The following ZFYVE9 variants were observed in gnomAD, a reference collection of about 807,000 sequenced individuals.
ZFYVE9 encodes zinc finger FYVE-type containing 9.
Under a neutral mutation model 126.7 loss-of-function variants are expected in ZFYVE9, and 43 were observed. The observed-to-expected ratio is 0.34, with a 90% CI of 0.27 to 0.44. ZFYVE9 has a LOEUF of 0.44. ZFYVE9 is among the 20% of genes least tolerant of loss of function. The pLI, the probability that ZFYVE9 is intolerant of heterozygous loss-of-function variation, is 1.00. For synonymous variants in ZFYVE9, 521 were observed against 597.4 expected (o/e 0.87, Z 1.87); for missense variants, 1,476 against 1,697.0 (o/e 0.87, Z 2.29).
Position 52,293,470 on chromosome 1 carries a change from T to C in ZFYVE9, c.3043T>C (p.Leu1015=). 1 of 1,613,820 alleles carries C rather than the reference T, an allele frequency of 6.2e-7. No individual in the cohort carries two copies. Among genetic ancestry groups the C allele is most frequent in the Non-Finnish European group, 8.5e-7 (1 of 1,179,900 alleles). ...DALAGNVVSN[L]GHSFFSQSFL... ...GTTTTTAGGGAATGTGGTGAGCAACTTGGGACATTCCTTCTTCAGTCAAAG... is the reference window on the plus strand; with the variant it reads ...GTTTTTAGGGAATGTGGTGAGCAACCTGGGACATTCCTTCTTCAGTCAAAG... Residue 1015 remains leucine (L), a synonymous_variant, in exon 11 of 19, where the codon TTG becomes CTG. Transcript: ENST00000287727.
intron 5 of ZFYVE9, among the ~76,000 whole-genome samples, chr1:52,266,409 A>T (rs924593666): frequency 2.0e-4 from 25 of 122,922 alleles, no homozygotes; most frequent in African/African-American, 3.5e-4. Flanking sequence ...ATTCTTTAAA[A>T]AAAAAAAAAA....
Position 52,193,518 on chromosome 1 carries a change from C to T in ZFYVE9, c.-142-22851C>T, listed in dbSNP as rs1644833894. On this transcript the variant is annotated intron_variant, in intron 1 of 18. Coordinates refer to ENST00000287727, the MANE Select transcript of ZFYVE9 (RefSeq NM_004799.4). The stretch of plus-strand genomic sequence containing the variant: ...GGTCAGGAGATCGAGACCAGCCTGG[C>T]CAACATGGTGAAACCCCGTCTCTAC... 3.3e-5 allele frequency among the ~76,000 whole-genome samples: 5 copies of T among 151,268 alleles called. No individual in the cohort carries two copies. The South Asian group carries it at 1.0e-3, about 32-fold the overall frequency.
At chr1:52,218,919 G>C (rs989417717) in intron 2 of ZFYVE9, among the ~76,000 whole-genome samples, 3 of 152,126 alleles carry the variant, frequency 2.0e-5, no homozygotes, top group Admixed American at 2.0e-4. Context: ...AGTGGGGATA[G>C]GGTCAGTGGA....
chr1:52,255,977 TTTCTTTCCTTCCTTCC>T (rs1645512498), intron 4 of ZFYVE9, among the ~76,000 whole-genome samples: 9 of 135,372 alleles, frequency 6.6e-5, no homozygotes, highest in Middle Eastern at 3.5e-3. Flanking sequence ...TCTTTCTTTC[TTTCTTTCCTTCCTTCC>T]TTCCTTCCTT....
chr1:52,265,979 G>A (rs906672632), intron 5 of ZFYVE9, among the ~76,000 whole-genome samples: 3 of 152,116 alleles, frequency 2.0e-5, no homozygotes, highest in African/African-American at 7.2e-5. Flanking sequence ...AATTCTTAAA[G>A]TTTGATGTTG....
At chr1:52,204,161 G>A (rs1345371344) in intron 1 of ZFYVE9, among the ~76,000 whole-genome samples, 1 of 151,720 alleles carries the variant, frequency 6.6e-6, no homozygotes, top group African/African-American at 2.4e-5. Flanking sequence ...AGGAACTGCT[G>A]AAAATAGGCC....
At chr1:52,257,901 T>A (rs1645538135) in intron 4 of ZFYVE9, among the ~76,000 whole-genome samples, 1 of 152,172 alleles carries the variant, frequency 6.6e-6, no homozygotes, top group South Asian at 2.1e-4. Flanking sequence ...AATTTTTGTA[T>A]TTTTAGTAGA....
chr1:52,278,688 T>A, intron 9 of ZFYVE9, 74 bp downstream of exon 9: 1 of 1,055,336 alleles, frequency 9.5e-7, no homozygotes. Flanking sequence ...TCAGATTTAT[T>A]ACACACAAGT....
chr1:52,170,664 C>T (rs1163563646), intron 1 of ZFYVE9, among the ~76,000 whole-genome samples: 11 of 152,096 alleles, frequency 7.2e-5, no homozygotes, highest in East Asian at 1.9e-4. Flanking sequence ...CCATAGGTTT[C>T]GGCATGTTGT....
chr1:52,175,233 G>C (rs1247650966), intron 1 of ZFYVE9, among the ~76,000 whole-genome samples: 1 of 150,656 alleles, frequency 6.6e-6, no homozygotes, highest in African/African-American at 2.4e-5. Flanking sequence ...TTGCTTGTCT[G>C]TAAAGTATTT....
chr1:52,204,817 T>C (rs552465726), intron 1 of ZFYVE9, among the ~76,000 whole-genome samples: 1 of 152,246 alleles, frequency 6.6e-6, no homozygotes, highest in South Asian at 2.1e-4. Context: ...AATGAGGGGA[T>C]TTCCCCCTTG....
intron 13 of ZFYVE9, among the ~76,000 whole-genome samples, chr1:52,318,327 A>T (rs928773134): frequency 6.6e-6 from 1 of 151,812 alleles, no homozygotes; most frequent in African/African-American, 2.4e-5. Context: ...AAAGCAGTTG[A>T]CGAAATCCTA....
Position 52,266,841 on chromosome 1 carries a change from C to A in ZFYVE9, c.2455+10C>A, listed in dbSNP as rs767115221. On this transcript the variant is annotated intron_variant, in intron 6 of 18. Transcript: ENST00000287727. ...CACCCTGGAGCAGAAGGTAGGGGAT[C>A]ATGTGCTATTCTCTCTCTTTTTCCT... The A allele has an allele frequency of 1.9e-6, 3 of 1,581,476 alleles. No individual in the cohort carries two copies. The African/African-American group carries it at 4.1e-5, about 22-fold the overall frequency.
At chr1:52,312,782 C>T (rs942370025) in intron 13 of ZFYVE9, among the ~76,000 whole-genome samples, 6 of 152,144 alleles carry the variant, frequency 3.9e-5, no homozygotes, top group Admixed American at 3.9e-4. Flanking sequence ...AATTTATTAT[C>T]TTTCACTTTT....
At position 52,259,638 on chromosome 1, in the gene ZFYVE9, A is replaced by AG. The variant is rs1645559269; in HGVS notation, c.2179-4135_2179-4134insG. 5.3e-5 allele frequency among the ~76,000 whole-genome samples: 8 copies of AG among 151,168 alleles called. No individual in the cohort carries two copies. The South Asian group carries it at 1.7e-3, about 31-fold the overall frequency. On this transcript the variant is annotated intron_variant, in intron 4 of 18. Transcript: ENST00000287727. ...CCCTGTCTCTACTAAAAAAAAAAAA[A>AG]AAAAAAAAAATCGCTGGGCATGGTG...
chr1:52,222,849 ACCT>A (rs1645136899), intron 2 of ZFYVE9, among the ~76,000 whole-genome samples: 1 of 152,216 alleles, frequency 6.6e-6, no homozygotes, highest in Non-Finnish European at 1.5e-5. Flanking sequence ...CCTATGCCTA[ACCT>A]TAACATTAAG....
intron 5 of ZFYVE9, among the ~76,000 whole-genome samples, chr1:52,264,457 C>T (rs1055552764): frequency 2.0e-5 from 3 of 151,958 alleles, no homozygotes; most frequent in East Asian, 1.9e-4. Flanking sequence ...AGAATATGGC[C>T]GGGGAAAGTA....
chr1:52,331,115 C>T (rs541252042), intron 13 of ZFYVE9, among the ~76,000 whole-genome samples: 7 of 152,234 alleles, frequency 4.6e-5, no homozygotes, highest in Admixed American at 1.3e-4. Context: ...GTGGTTCACC[C>T]ACCTCGGCCT....
intron 13 of ZFYVE9, among the ~76,000 whole-genome samples, chr1:52,311,308 A>G (rs577028593): frequency 5.0e-5 from 7 of 139,506 alleles, no homozygotes; most frequent in African/African-American, 1.9e-4. Flanking sequence ...CTTGTCACCC[A>G]GGCTGGAGTG....
Sources: allele counts gnomAD v4.1 joint callset (sites outside exome capture counted in the v4.1 genomes callset), GRCh38; gene constraint gnomAD v4.1.1; transcripts MANE v1.5; gene names NCBI Gene and HGNC (gene_info 2026-07-23, HGNC 2026-07-21).